Variants in HOOK1 observed in about 807,000 individuals in gnomAD.
HOOK1 encodes the protein hook microtubule tethering protein 1.
In HOOK1, 60 loss-of-function variants were observed where a neutral mutation model predicts 112.8. The ratio of observed to expected loss-of-function variants is 0.53; its 90% CI spans 0.43 to 0.66. The LOEUF (loss-of-function observed/expected upper bound fraction) is 0.66, where lower values mean the gene tolerates loss of function less well. HOOK1 is among the 30% of genes least tolerant of loss of function. The probability of loss-of-function intolerance (pLI) is 0.00; values close to 1 mark genes in which losing one functional copy is unlikely to be tolerated. For missense variants in HOOK1, 770 were observed against 856.0 expected (o/e 0.90, Z 1.25); for synonymous variants, 294 against 283.8 (o/e 1.04, Z -0.36).
chr1:59,832,216 A>G lies in HOOK1; in HGVS notation c.273+3A>G. 1 of 1,545,466 alleles carries G rather than the reference A, an allele frequency of 6.5e-7. No homozygotes were observed. Reference sequence around the variant, plus strand: ...GAATTATGAGTTATTATCATGAGGTATGAAAACCATCTGACTTTGTTTAAA... The same window carrying G: ...GAATTATGAGTTATTATCATGAGGTGTGAAAACCATCTGACTTTGTTTAAA... On this transcript the variant is annotated splice_donor_region_variant and intron_variant, in intron 4 of 21. Transcript: ENST00000371208.
Position 59,872,958 on chromosome 1 carries a change from C to A in HOOK1, c.2180C>A (p.Ser727Tyr). The change falls in exon 22 of 22, where the codon TCT becomes TAT. Residue 727 changes from serine to tyrosine, a missense_variant. Around this residue, in one of 3 missense-constraint regions of HOOK1, gnomAD observed 111 missense variants for 111.8 expected, o/e 0.99. Transcript: ENST00000371208. ...TCTGTTAAAGTCCCTGCTACAACAT[C>A]TGATTAAACTGCAAAAAAAACAAAA... ...NLSVKVPATT[S>Y]D The A allele has an allele frequency of 6.8e-7, 1 of 1,466,976 alleles. No individual in the cohort carries two copies. The highest frequency in any genetic ancestry group is 1.4e-5 in the South Asian group (1 of 70,716). The allele number at this position is 1,466,976 out of a possible 1,614,324, so 90.9% of individuals were successfully genotyped here. A position where few individuals can be genotyped will look rare whatever the true frequency, so the allele number is the denominator to read the frequency against.
Position 59,821,946 on chromosome 1 carries a change from G to A in HOOK1, c.149+3G>A. ...ATGGCACAAGTTCTTCATCAAATGTGAGTAGTGGTCAGACTCTCCCTGAAA... is the reference window on the plus strand; with the variant it reads ...ATGGCACAAGTTCTTCATCAAATGTAAGTAGTGGTCAGACTCTCCCTGAAA... On this transcript the variant is annotated splice_donor_region_variant and intron_variant, in intron 2 of 21. Transcript: ENST00000371208. The A allele has an allele frequency of 6.2e-7, 1 of 1,608,294 alleles. No individual in the cohort carries two copies. The highest frequency in any genetic ancestry group is 8.5e-7 in the Non-Finnish European group (1 of 1,175,660).
At chr1:59,828,349 A>T (rs2098391422) in intron 2 of HOOK1, among the ~76,000 whole-genome samples, 1 of 152,198 alleles carries the variant, frequency 6.6e-6, no homozygotes, top group Admixed American at 6.5e-5. Flanking sequence ...TGCTATTAAT[A>T]GTATCACTCA....
intron 7 of HOOK1, among the ~76,000 whole-genome samples, chr1:59,838,493 C>G (rs2098399219): frequency 6.6e-6 from 1 of 152,084 alleles, no homozygotes; most frequent in South Asian, 2.1e-4. Flanking sequence ...TAAATGTCTT[C>G]TTTTGAGAAG....
Position 59,843,414 on chromosome 1 carries a change from T to A in HOOK1, c.622-18T>A, listed in dbSNP as rs774569850. 1.2e-5 allele frequency: 19 copies of A among 1,567,094 alleles called. No homozygotes were observed. The South Asian group carries it at 2.0e-4, about 16-fold the overall frequency. On this transcript the variant is annotated intron_variant, in intron 8 of 21. Coordinates refer to ENST00000371208, the MANE Select transcript of HOOK1 (RefSeq NM_015888.6). ...TTTTTTTTCTACTGGTGCTTATGTATGTGTATTTGTTTCTTAGGTGACTAC... is the reference window on the plus strand; with the variant it reads ...TTTTTTTTCTACTGGTGCTTATGTAAGTGTATTTGTTTCTTAGGTGACTAC...
In HOOK1 at chr1:59,868,285, A is replaced by T. The variant is rs1644000974; in HGVS notation, c.1881A>T (p.Ala627=). 6.2e-7 allele frequency: 1 copy of T among 1,609,330 alleles called. No homozygotes were observed. The highest frequency in any genetic ancestry group is 8.5e-7 in the Non-Finnish European group (1 of 1,176,302). Residue 627 remains alanine (A), a synonymous_variant, in exon 20 of 22, where the codon GCA becomes GCT. Coordinates refer to ENST00000371208, the MANE Select transcript of HOOK1 (RefSeq NM_015888.6). ...CTTTGGATCCCAAGTTAAATCCAGC[A>T]TCAGCTGAAATAATGCTACTAAGAA... ...IKTLDPKLNP[A]SAEIMLLRKQ...
chr1:59,853,565 A>G (rs750370588), intron 12 of HOOK1, among the ~76,000 whole-genome samples: 1 of 151,822 alleles, frequency 6.6e-6, no homozygotes, highest in Non-Finnish European at 1.5e-5. Flanking sequence ...TTTCAATTGG[A>G]GTTTGGAATC....
At chr1:59,864,830 A>C (rs1480255884) in intron 17 of HOOK1, 164 bp downstream of exon 17, 1 of 585,618 alleles carries the variant, frequency 1.7e-6, no homozygotes, top group Non-Finnish European at 3.0e-6. Context: ...CAGCCTCCCT[A>C]CTACCCCCGT....
chr1:59,847,206 T>C (rs1468859933), intron 10 of HOOK1, 21 bp downstream of exon 10: 1 of 1,574,318 alleles, frequency 6.4e-7, no homozygotes, highest in Non-Finnish European at 8.6e-7. Context: ...TCTTAAAAAA[T>C]ATAATTATGC....
chr1:59,844,372 C>T (rs553471000), intron 9 of HOOK1, among the ~76,000 whole-genome samples: 9 of 151,906 alleles, frequency 5.9e-5, no homozygotes, highest in East Asian at 5.8e-4. Context: ...TTATAAGCCA[C>T]GTTATTTTCA....
intron 16 of HOOK1, 54 bp downstream of exon 16, chr1:59,862,931 G>GCC: frequency 1.0e-6 from 1 of 973,612 alleles, no homozygotes; most frequent in Admixed American, 1.8e-5. Flanking sequence ...TTCTTTAATA[G>GCC]ATCATGATGT....
chr1:59,852,851 T>C (rs1459991023), intron 12 of HOOK1, among the ~76,000 whole-genome samples: 1 of 151,912 alleles, frequency 6.6e-6, no homozygotes, highest in Non-Finnish European at 1.5e-5. Context: ...TTTAATTCTT[T>C]TGAATTATTT....
intron 7 of HOOK1, among the ~76,000 whole-genome samples, chr1:59,838,509 T>G (rs1444273292): frequency 6.6e-6 from 1 of 151,700 alleles, no homozygotes; most frequent in Non-Finnish European, 1.5e-5. Context: ...AGAAGTGTCT[T>G]CTTTTGAGAC....
intron 3 of HOOK1, among the ~76,000 whole-genome samples, chr1:59,829,057 C>T (rs1471634159): frequency 6.6e-6 from 1 of 152,050 alleles, no homozygotes; most frequent in Non-Finnish European, 1.5e-5. Flanking sequence ...ACTTCAGGCC[C>T]ATTCTCTATT....
At chr1:59,831,120 T>C (rs913870835) in intron 3 of HOOK1, among the ~76,000 whole-genome samples, 4 of 151,970 alleles carry the variant, frequency 2.6e-5, no homozygotes, top group African/African-American at 4.8e-5. Flanking sequence ...AGGCTGGTCT[T>C]GAACTCCTGA....
At chr1:59,848,906 A>T (rs1185672290) in intron 11 of HOOK1, among the ~76,000 whole-genome samples, 167 bp from the exon 12 acceptor site, 1 of 151,550 alleles carries the variant, frequency 6.6e-6, no homozygotes, top group Non-Finnish European at 1.5e-5. Flanking sequence ...TTTTATGTTA[A>T]TTCTTATCTA....
chr1:59,836,762 TA>T (rs2098397988), intron 6 of HOOK1, 110 bp from the exon 7 acceptor site: 2 of 602,718 alleles, frequency 3.3e-6, no homozygotes, highest in African/African-American at 3.7e-5. Context: ...ATCCTCAAAT[TA>T]AGGCAAGGAA....
At chr1:59,823,181 A>T (rs557308319) in intron 2 of HOOK1, among the ~76,000 whole-genome samples, 6 of 152,090 alleles carry the variant, frequency 3.9e-5, no homozygotes, top group African/African-American at 9.7e-5. Context: ...TTAGCCAGGC[A>T]TGGTGGCGGG....
intron 1 of HOOK1, among the ~76,000 whole-genome samples, chr1:59,818,791 G>A (rs1375784011): frequency 6.6e-6 from 1 of 152,084 alleles, no homozygotes; most frequent in African/African-American, 2.4e-5. Flanking sequence ...AAAACTTAAA[G>A]CAATGGTTGT....
Sources: gnomAD v4.1 joint callset for allele counts (sites outside exome capture counted in the v4.1 genomes callset) on GRCh38, gnomAD v4.1.1 for gene constraint, gnomAD v4.1.1 regional missense constraint, MANE v1.5 for transcripts, NCBI Gene and HGNC (gene_info 2026-07-23, HGNC 2026-07-21) for gene names.